TP53TG5: variants seen among roughly 807,000 people sequenced by gnomAD.
TP53TG5 encodes TP53 target 5, also known as TP53-target gene 5 protein.
Under a neutral mutation model 30.0 loss-of-function variants are expected in TP53TG5, and 17 were observed. The ratio of observed to expected loss-of-function variants is 0.57; its 90% CI spans 0.39 to 0.85. The LOEUF is 0.85. Among genes scored for constraint, TP53TG5 ranks in the 40% least tolerant of loss-of-function variants. The probability of loss-of-function intolerance (pLI) is 0.00; values close to 1 mark genes in which losing one functional copy is unlikely to be tolerated. For synonymous variants in TP53TG5, 137 were observed against 139.2 expected (o/e 0.98, Z 0.11); for missense variants, 338 against 367.9 (o/e 0.92, Z 0.67).
At position 45,376,625 on chromosome 20, in the gene TP53TG5, G is replaced by T. The variant is rs1454451512; in HGVS notation, c.254+587C>A. 2.0e-5 allele frequency: 3 copies of T among 152,108 alleles called. No individual in the cohort carries two copies. The East Asian group carries it at 5.8e-4, about 29-fold the overall frequency. The allele number at this position is 152,108 out of a possible 1,614,324, so 9.4% of individuals were successfully genotyped here. On this transcript the variant is annotated intron_variant, in intron 3 of 4. Transcript: ENST00000372726. ...GTCTACCTAACAGGATTGTTGTGAA[G>T]AATAAACTAAATGGGAAAATTCTTA... is the stretch of plus-strand genomic sequence containing the variant.
chr20:45,378,124 A>C (rs1013917374), intron 1 of TP53TG5, 65 bp downstream of exon 1: 226 of 1,608,878 alleles, frequency 1.4e-4, no homozygotes, highest in Non-Finnish European at 1.7e-4. Flanking sequence ...TTTCCTTGGC[A>C]TGGTGGATTC....
rs2231628 is a variant in TP53TG5 at position 45,373,957 on chromosome 20, G to T, written c.823C>A (p.His275Asn). The change falls in exon 5 of 5, where the codon CAT becomes AAT. Residue 275 changes from histidine (H) to asparagine (N), a missense_variant. Transcript: ENST00000372726. The part of the protein sequence containing the change: ...RGASRGWRSR[H>N]QLKGRNGWRN... ...CACCCATTCCTCCCCTTCAGCTGAT[G>T]GCGCGATCTCCACCCTCTGCTCGCA... 8.4e-4 allele frequency: 1,353 copies of T among 1,613,756 alleles called. 9 individuals carry two copies. The African/African-American group carries it at 0.016, about 19-fold the overall frequency.
rs919613919 is a variant in TP53TG5, at chr20:45,373,739, G to A, written c.*168C>T. 3 of 634,014 alleles carry A rather than the reference G, an allele frequency of 4.7e-6. No homozygotes were observed. Among genetic ancestry groups the A allele is most frequent in the Admixed American group, 2.6e-5 (1 of 37,764 alleles). 39.3% of individuals were successfully genotyped at this position (634,014 alleles called of 1,614,324 possible). On this transcript the variant is annotated 3_prime_UTR_variant, in exon 5 of 5. Transcript: ENST00000372726. ...AGGTGGGGGAGGGGTGCTGCTCGCT[G>A]GCTTCTTTGGTTCTAGACTGACCTT...
intron 2 of TP53TG5, 82 bp downstream of exon 2, chr20:45,377,457 G>T: frequency 1.2e-6 from 2 of 1,608,846 alleles, no homozygotes; most frequent in Admixed American, 3.3e-5. Context: ...GGCTCCCCTG[G>T]GCCACTCAGC....
chr20:45,373,922 T>C lies in TP53TG5; in HGVS notation c.858A>G (p.Ser286=). The C allele has an allele frequency of 6.2e-7, 1 of 1,613,978 alleles. No homozygotes were observed. The highest frequency in any genetic ancestry group is 8.5e-7 in the Non-Finnish European group (1 of 1,179,960). ...ATGGAAGATCTTATTTGTAGACTCG[T>C]GAATTTCGCCACCCATTCCTCCCCT... ...QLKGRNGWRN[S]RVYK is the part of the protein sequence containing the mutation. The change falls in exon 5 of 5, where the codon TCA becomes TCG. Residue 286 remains serine (S), a synonymous_variant. Coordinates refer to ENST00000372726, the MANE Select transcript of TP53TG5 (RefSeq NM_014477.3).
rs200191761 is a variant in TP53TG5, at chr20:45,375,260, G to A, written c.547C>T (p.Arg183Ter). The A allele has an allele frequency of 1.1e-4, 185 of 1,614,112 alleles. 1 individual carries two copies. Among genetic ancestry groups the A allele is most frequent in the South Asian group, 2.7e-4 (25 of 91,090 alleles). ...QGRQPLTEGP[R>*]VIFIKPYRNR... ...CGGTAGGGCTTAATGAAGATGACTC[G>A]GGGGCCCTCGGTGAGTGGTTGCCTC... Residue 183 changes from arginine to a stop codon, truncating the protein, a stop_gained, in exon 4 of 5, where the codon CGA becomes TGA. Transcript: ENST00000372726. LOFTEE classifies it high-confidence loss of function.
chr20:45,374,229 CTTCT>C lies in TP53TG5; in HGVS notation c.769-222_769-219del, dbSNP rs1988649511. On this transcript the variant is annotated intron_variant, in intron 4 of 4. Transcript: ENST00000372726. ...TCCCACGAAAGGGCTGCGGTATTTTCTTCTTTTTTTGCTAAGGAACTTTCTGCTC... is the reference window on the plus strand; with the variant it reads ...TCCCACGAAAGGGCTGCGGTATTTTCTTTTTTGCTAAGGAACTTTCTGCTC... 4 of 685,824 alleles carry C rather than the reference CTTCT, an allele frequency of 5.8e-6. No individual in the cohort carries two copies. The South Asian group carries it at 6.3e-5, about 11-fold the overall frequency. 42.5% of individuals were successfully genotyped at this position (685,824 alleles called of 1,614,324 possible). A position where few individuals can be genotyped will look rare whatever the true frequency, so the allele number is the denominator to read the frequency against.
In TP53TG5 at chr20:45,373,795, TGAA is replaced by T; in HGVS notation, c.*109_*111del. 4.8e-6 allele frequency: 5 copies of T among 1,047,606 alleles called. No homozygotes were observed. The South Asian group carries it at 6.7e-5, about 14-fold the overall frequency. 64.9% of individuals were successfully genotyped at this position (1,047,606 alleles called of 1,614,324 possible). A position where few individuals can be genotyped will look rare whatever the true frequency, so the allele number is the denominator to read the frequency against. ...CCTCGGGGTGGGGGTGGGGGAAGCC[TGAA>T]GTCGCGACACAGGCTCCCTCTACCG... On this transcript the variant is annotated 3_prime_UTR_variant, in exon 5 of 5. Coordinates refer to ENST00000372726, the MANE Select transcript of TP53TG5 (RefSeq NM_014477.3).
rs764343951 is a variant in TP53TG5, at chr20:45,377,351, G to A, written c.124-9C>T. On this transcript the variant is annotated splice_polypyrimidine_tract_variant and intron_variant, in intron 2 of 4. Transcript: ENST00000372726. Reference sequence around the variant, plus strand: ...GACAAGTTTTTTAACACCTGCCAGGGTCAAGAAACCAGGTAAATAGAAGCT... The same window carrying A: ...GACAAGTTTTTTAACACCTGCCAGGATCAAGAAACCAGGTAAATAGAAGCT... The A allele has an allele frequency of 3.0e-5, 48 of 1,613,874 alleles. No homozygotes were observed. Among genetic ancestry groups the A allele is most frequent in the Non-Finnish European group, 3.8e-5 (45 of 1,180,024 alleles).
chr20:45,373,653 C>G lies in TP53TG5; in HGVS notation c.*254G>C. ...GGGGCGATTGTGAGGCACTTTGCAC[C>G]CAGGAAGCACACGAGCGCCCTGACT... On this transcript the variant is annotated 3_prime_UTR_variant, in exon 5 of 5. Coordinates refer to ENST00000372726, the MANE Select transcript of TP53TG5 (RefSeq NM_014477.3). The G allele has an allele frequency of 1.8e-6, 1 of 542,100 alleles. No individual in the cohort carries two copies. Among genetic ancestry groups the G allele is most frequent in the Non-Finnish European group, 3.3e-6 (1 of 301,500 alleles). The allele number at this position is 542,100 out of a possible 1,614,324, so 33.6% of individuals were successfully genotyped here.
At chr20:45,377,451 C>T (rs942792733) in intron 2 of TP53TG5, 88 bp downstream of exon 2, 2 of 1,608,782 alleles carry the variant, frequency 1.2e-6, no homozygotes, top group East Asian at 4.5e-5. Flanking sequence ...CCTGCTGGCT[C>T]CCCTGGGCCA....
rs933917125 is a variant in TP53TG5 at position 45,373,717 on chromosome 20, T to G, written c.*190A>C. ...CACTCAGGAGACTAGCTCGCGGAGG[T>G]GGGGGAGGGGTGCTGCTCGCTGGCT... On this transcript the variant is annotated 3_prime_UTR_variant, in exon 5 of 5. Transcript: ENST00000372726. The G allele has an allele frequency of 2.0e-6, 1 of 504,802 alleles. No homozygotes were observed. Among genetic ancestry groups the G allele is most frequent in the Non-Finnish European group, 3.3e-6 (1 of 298,780 alleles). The allele number at this position is 504,802 out of a possible 1,614,324, so 31.3% of individuals were successfully genotyped here. A position where few individuals can be genotyped will look rare whatever the true frequency, so the allele number is the denominator to read the frequency against.
In TP53TG5 at chr20:45,377,564, A is replaced by G; in HGVS notation, c.98T>C (p.Val33Ala). 1 of 1,614,064 alleles carries G rather than the reference A, an allele frequency of 6.2e-7. No individual in the cohort carries two copies. Among genetic ancestry groups the G allele is most frequent in the South Asian group, 1.1e-5 (1 of 91,054 alleles). ...RDETEQPVSK[V>A]IERNRLRTVL... ...CGTTCTCAGACGGTTCCGCTCAATT[A>G]CTTTGCTCACAGGCTGCTCTGTCTC... The change falls in exon 2 of 5, where the codon GTA becomes GCA. Residue 33 changes from valine to alanine, a missense_variant. Physicochemically the swap from Val to Ala is moderately conservative, Grantham distance 64. Coordinates refer to ENST00000372726, the MANE Select transcript of TP53TG5 (RefSeq NM_014477.3).
In TP53TG5 at chr20:45,372,799, G is replaced by A. The variant is rs1652225407; in HGVS notation, c.*1108C>T. The A allele has an allele frequency of 6.6e-6, 1 of 152,206 alleles. No homozygotes were observed. 9.4% of individuals were successfully genotyped at this position (152,206 alleles called of 1,614,324 possible). A position where few individuals can be genotyped will look rare whatever the true frequency, so the allele number is the denominator to read the frequency against. On this transcript the variant is annotated 3_prime_UTR_variant, in exon 5 of 5. Transcript: ENST00000372726. ...GATTGCGCTGGGAGCAGGAGCTCGG[G>A]AGCACGCAGCAGCCACTATGAGGTG...
intron 3 of TP53TG5, chr20:45,375,891 G>A: frequency 4.0e-6 from 1 of 250,556 alleles, no homozygotes; most frequent in Non-Finnish European, 7.7e-6. Context: ...TGTGCTCCAA[G>A]AACCTTAGGG....
chr20:45,375,321 T>C lies in TP53TG5; in HGVS notation c.486A>G (p.Thr162=). 6.2e-7 allele frequency: 1 copy of C among 1,614,206 alleles called. No homozygotes were observed. The highest frequency in any genetic ancestry group is 8.5e-7 in the Non-Finnish European group (1 of 1,180,034). The change falls in exon 4 of 5, where the codon ACA becomes ACG. Residue 162 remains threonine, a synonymous_variant. Coordinates refer to ENST00000372726, the MANE Select transcript of TP53TG5 (RefSeq NM_014477.3). ...CAGGGTTCAAGCTATCATCCCTCGA[T>C]GTCCTTGGAACCTCAGGCTCTATAT... ...EKHIEPEVPR[T]SRDDSLNPGV... is the part of the protein sequence containing the mutation.
Position 45,374,645 on chromosome 20 carries a change from A to G in TP53TG5, c.768+394T>C, listed in dbSNP as rs963337078. ...GAGAGTTGAATTGATCTTAGAGGGA[A>G]TGGGATGCAGCAAAGCCCTACTTGA... On this transcript the variant is annotated intron_variant, in intron 4 of 4. Coordinates refer to ENST00000372726, the MANE Select transcript of TP53TG5 (RefSeq NM_014477.3). 22 of 427,170 alleles carry G rather than the reference A, an allele frequency of 5.2e-5. No individual in the cohort carries two copies. In the East Asian group the frequency reaches 7.5e-4, roughly 15 times the overall value. The allele number at this position is 427,170 out of a possible 1,614,324, so 26.5% of individuals were successfully genotyped here.
At position 45,377,692 on chromosome 20, in the gene TP53TG5, C is replaced by T; in HGVS notation, c.49-79G>A. 2.1e-6 allele frequency: 3 copies of T among 1,413,168 alleles called. No individual in the cohort carries two copies. The South Asian group carries it at 3.6e-5, about 17-fold the overall frequency. The allele number at this position is 1,413,168 out of a possible 1,614,324, so 87.5% of individuals were successfully genotyped here. On this transcript the variant is annotated intron_variant, in intron 1 of 4. Coordinates refer to ENST00000372726, the MANE Select transcript of TP53TG5 (RefSeq NM_014477.3). ...GTGCCTCATGTCTGTAATCCCAGCA[C>T]TTTGGGAGGCCGAGGTGGGTGGCTC...
intron 2 of TP53TG5, 66 bp downstream of exon 2, chr20:45,377,473 A>G: frequency 6.2e-7 from 1 of 1,609,742 alleles, no homozygotes. Flanking sequence ...TCAGCCTGGC[A>G]ACCAGGGGCA....
Sources: allele counts gnomAD v4.1 joint callset, GRCh38; gene constraint gnomAD v4.1.1; transcripts MANE v1.5; gene names NCBI Gene and HGNC (gene_info 2026-07-23, HGNC 2026-07-21).